NAALADL2: variants seen among roughly 807,000 people sequenced by gnomAD.
NAALADL2 encodes inactive N-acetylated-alpha-linked acidic dipeptidase-like protein 2.
In NAALADL2, 76 loss-of-function variants were observed where a neutral mutation model predicts 87.2. The observed-to-expected ratio is 0.87, with a 90% confidence interval of 0.72 to 1.05. NAALADL2 has a LOEUF of 1.05. Among genes scored for constraint, NAALADL2 ranks in the 50% least tolerant of loss-of-function variants. The pLI, the probability that NAALADL2 is intolerant of heterozygous loss-of-function variation, is 0.00. For missense variants in NAALADL2, 1,089 were observed against 945.8 expected, an observed-to-expected ratio of 1.15 and a Z score of -1.99; for synonymous variants, 354 against 331.0, an observed-to-expected ratio of 1.07 and a Z score of -0.75.
intron 2 of NAALADL2, among the ~76,000 whole-genome samples, chr3:175,161,549 G>T (rs1258982419): frequency 6.6e-6 from 1 of 152,088 alleles, no homozygotes; most frequent in Non-Finnish European, 1.5e-5. Context: ...AGAGGATCCA[G>T]GTACTTATAC....
intron 5 of NAALADL2, among the ~76,000 whole-genome samples, chr3:175,342,688 A>C (rs1366171433): frequency 1.3e-5 from 2 of 152,118 alleles, no homozygotes; most frequent in Non-Finnish European, 2.9e-5. Context: ...ATGACTAAAA[A>C]ATAGCAATAA....
In NAALADL2 at chr3:175,016,127, G is replaced by T. The variant is rs79291984; in HGVS notation, c.44-80663G>T. 9.9e-5 allele frequency among the ~76,000 whole-genome samples: 15 copies of T among 151,242 alleles called. 1 individual carries two copies. The highest frequency in any genetic ancestry group is 9.7e-4 in the East Asian group (5 of 5,156). On this transcript the variant is annotated intron_variant, in intron 1 of 13. Transcript: ENST00000454872. ...ATTTCTCAAGCTGAAGCAAGTTATT[G>T]TATCATGTATTATATATTTTAATAA...
intron 2 of NAALADL2, among the ~76,000 whole-genome samples, chr3:174,723,561 C>A (rs1157496200): frequency 3.9e-5 from 6 of 151,984 alleles, no homozygotes; most frequent in African/African-American, 1.4e-4. Context: ...CCAGACCATC[C>A]TGGCTAACAT....
chr3:174,609,491 A>G (rs150588429), intron 2 of NAALADL2, among the ~76,000 whole-genome samples: 25,181 of 151,924 alleles, frequency 0.17, 2,441 homozygotes, highest in African/African-American at 0.26. Context: ...TCAATGTACA[A>G]AAATCACAAG....
intron 2 of NAALADL2, among the ~76,000 whole-genome samples, chr3:175,157,567 G>C (rs551904150): frequency 3.3e-5 from 5 of 152,154 alleles, no homozygotes; most frequent in Non-Finnish European, 5.9e-5. Context: ...TATTAGGAAA[G>C]GCTCTAAGCT....
At chr3:174,473,196 A>G (rs1717011760) in intron 1 of NAALADL2, among the ~76,000 whole-genome samples, 1 of 152,052 alleles carries the variant, frequency 6.6e-6, no homozygotes, top group Admixed American at 6.6e-5. Context: ...TCTCTTTTTT[A>G]TCCCCAACTC....
chr3:175,451,379 TTAAA>T (rs1721555204), intron 6 of NAALADL2, among the ~76,000 whole-genome samples: 1 of 152,136 alleles, frequency 6.6e-6, no homozygotes, highest in Non-Finnish European at 1.5e-5. Flanking sequence ...AAGTTCCTCC[TTAAA>T]TAGATTGTTT....
chr3:174,610,671 T>C (rs539121520), intron 2 of NAALADL2, among the ~76,000 whole-genome samples: 1 of 152,116 alleles, frequency 6.6e-6, no homozygotes, highest in East Asian at 1.9e-4. Context: ...AAACAACAGG[T>C]GCTGGAGAGG....
In NAALADL2 at chr3:174,452,056, T is replaced by C. The variant is rs769263292; in HGVS notation, c.-184+11024T>C. ...TGGGGTTTTGCTATGTTGGTCAGGC[T>C]GGTCTCGAACTCCTGGCCTCGAGTG... On this transcript the variant is annotated intron_variant, in intron 1 of 3. Coordinates refer to the NAALADL2 transcript ENST00000434257. Among the ~76,000 whole-genome samples, 14 of 151,814 alleles carry C rather than the reference T, an allele frequency of 9.2e-5. 1 individual carries two copies. The highest frequency in any genetic ancestry group is 9.7e-5 in the African/African-American group (4 of 41,314).
intron 1 of NAALADL2, among the ~76,000 whole-genome samples, chr3:174,950,322 G>A (rs968635597): frequency 2.6e-5 from 4 of 151,870 alleles, no homozygotes; most frequent in Admixed American, 6.6e-5. Context: ...TATAATACCT[G>A]GTATATCTTG....
intron 1 of NAALADL2, among the ~76,000 whole-genome samples, chr3:175,038,183 A>G (rs1753644663): frequency 6.6e-6 from 1 of 152,164 alleles, no homozygotes; most frequent in African/African-American, 2.4e-5. Context: ...ACATTTTTTT[A>G]AGGATTCGTG....
At chr3:175,010,067 A>C (rs1749576247) in intron 1 of NAALADL2, among the ~76,000 whole-genome samples, 1 of 151,912 alleles carries the variant, frequency 6.6e-6, no homozygotes, top group Admixed American at 6.6e-5. Context: ...CAGTGATTCA[A>C]ATTGGTGTGT....
chr3:174,631,198 A>G (rs186001997), intron 2 of NAALADL2, among the ~76,000 whole-genome samples: 182 of 152,320 alleles, frequency 1.2e-3, no homozygotes, highest in Middle Eastern at 0.01. Context: ...AAGCATTTAC[A>G]GTGTATACAA....
At chr3:175,492,272 C>T (rs1728211844) in intron 9 of NAALADL2, among the ~76,000 whole-genome samples, 1 of 152,122 alleles carries the variant, frequency 6.6e-6, no homozygotes. Flanking sequence ...AATTGCTGCT[C>T]ATTCTTTAGT....
intron 11 of NAALADL2, among the ~76,000 whole-genome samples, chr3:175,729,626 A>G (rs906623228): frequency 6.6e-6 from 1 of 152,064 alleles, no homozygotes; most frequent in Non-Finnish European, 1.5e-5. Flanking sequence ...TCTATACATC[A>G]CTTCCCTTTG....
intron 2 of NAALADL2, among the ~76,000 whole-genome samples, chr3:174,637,174 A>G (rs10936812): frequency 0.13 from 20,299 of 152,052 alleles, 1,513 homozygotes; most frequent in South Asian, 0.26. Flanking sequence ...GGAAGGGTGT[A>G]TTGTAGGTGG....
At chr3:175,250,625 C>T (rs77112914) in intron 3 of NAALADL2, among the ~76,000 whole-genome samples, 1,606 of 152,162 alleles carry the variant, frequency 0.011, 25 homozygotes, top group African/African-American at 0.038. Context: ...TTGTTCCTTC[C>T]AATGAAAAGA....
chr3:175,568,792 T>C (rs73880200), intron 9 of NAALADL2, among the ~76,000 whole-genome samples: 5,441 of 152,284 alleles, frequency 0.036, 372 homozygotes, highest in African/African-American at 0.12. Flanking sequence ...TTTGCATTTT[T>C]GTAATATATA....
At chr3:175,252,876 C>T (rs114195070) in intron 3 of NAALADL2, among the ~76,000 whole-genome samples, 2 of 152,102 alleles carry the variant, frequency 1.3e-5, no homozygotes, top group African/African-American at 4.8e-5. Context: ...CCAGAGCAAG[C>T]CCCTAACTCT....
Sources: allele counts gnomAD v4.1 joint callset (sites outside exome capture counted in the v4.1 genomes callset), GRCh38; gene constraint gnomAD v4.1.1; transcripts MANE v1.5; gene names NCBI Gene and HGNC (gene_info 2026-07-23, HGNC 2026-07-21).